The following ROR1 variants were observed in gnomAD, a reference collection of about 807,000 sequenced individuals.
ROR1 encodes the protein inactive tyrosine-protein kinase transmembrane receptor ROR1.
ROR1 carries 19 observed loss-of-function variants against 78.8 expected under a neutral mutation model. That is an observed-to-expected ratio of 0.24 (90% CI 0.17 to 0.35). The LOEUF is 0.35. ROR1 is among the 10% of genes least tolerant of loss of function. The pLI, the probability that ROR1 is intolerant of heterozygous loss-of-function variation, is 1.00. For missense variants in ROR1, 917 were observed against 1,177.8 expected (o/e 0.78, Z 3.24); for synonymous variants, 386 against 433.6 (o/e 0.89, Z 1.36).
chr1:64,176,646 T>A (rs1203367534), intron 8 of ROR1, among the ~76,000 whole-genome samples: 1 of 152,186 alleles, frequency 6.6e-6, no homozygotes, highest in African/African-American at 2.4e-5. Context: ...CAAAAGAGTC[T>A]AGCAAAGAAA....
intron 1 of ROR1, among the ~76,000 whole-genome samples, chr1:63,956,011 G>T (rs562947283): frequency 6.6e-6 from 1 of 152,172 alleles, no homozygotes; most frequent in Non-Finnish European, 1.5e-5. Flanking sequence ...CTGGTGACTC[G>T]CTCTGCTGGC....
chr1:63,950,948 A>G (rs1454444059), intron 1 of ROR1, among the ~76,000 whole-genome samples: 1 of 152,224 alleles, frequency 6.6e-6, no homozygotes, highest in East Asian at 1.9e-4. Flanking sequence ...TGAAAATACA[A>G]CCAAAAACCT....
intron 1 of ROR1, among the ~76,000 whole-genome samples, chr1:63,811,356 A>G (rs1433139673): frequency 6.6e-6 from 1 of 152,170 alleles, no homozygotes; most frequent in Non-Finnish European, 1.5e-5. Context: ...AGTGCCCCTA[A>G]AATTGTCACA....
chr1:63,935,721 A>G (rs538527984), intron 1 of ROR1, among the ~76,000 whole-genome samples: 40 of 152,338 alleles, frequency 2.6e-4, no homozygotes, highest in Admixed American at 5.9e-4. Flanking sequence ...GCAGTAATTT[A>G]TAGCTTGAAA....
chr1:64,131,291 AC>A (rs1345523970), intron 4 of ROR1, among the ~76,000 whole-genome samples: 1 of 152,068 alleles, frequency 6.6e-6, no homozygotes, highest in African/African-American at 2.4e-5. Context: ...TATTTATTTC[AC>A]TGCTCTCTGT....
chr1:64,159,671 GT>G lies in ROR1; in HGVS notation c.1386+486del, dbSNP rs5774685. Among the ~76,000 whole-genome samples, 316 of 150,854 alleles carry G rather than the reference GT, an allele frequency of 2.1e-3. 2 individuals carry two copies. Among genetic ancestry groups the G allele is most frequent in the African/African-American group, 7.2e-3 (293 of 40,744 alleles). ...TGATTAAGATAGTAAATTTTGTTGT[GT>G]TTTTTTACCACGATTTAAAAAAAAT... On this transcript the variant is annotated intron_variant, in intron 8 of 8. Coordinates refer to ENST00000371079, the MANE Select transcript of ROR1 (RefSeq NM_005012.4).
chr1:63,788,854 C>G (rs899633636), intron 1 of ROR1: 5 of 745,742 alleles, frequency 6.7e-6, no homozygotes, highest in Non-Finnish European at 1.2e-5. Flanking sequence ...GAGCTTCATG[C>G]GAGCCTTATC....
At chr1:64,154,968 T>C (rs1483308910) in intron 7 of ROR1, among the ~76,000 whole-genome samples, 1 of 152,238 alleles carries the variant, frequency 6.6e-6, no homozygotes, top group Non-Finnish European at 1.5e-5. Flanking sequence ...TTAGTCTTCA[T>C]TGAAAGAGAA....
intron 1 of ROR1, among the ~76,000 whole-genome samples, chr1:63,921,203 T>C (rs1324945577): frequency 6.6e-6 from 1 of 152,194 alleles, no homozygotes; most frequent in Non-Finnish European, 1.5e-5. Flanking sequence ...TGACGGTTTA[T>C]TGAACACATT....
At chr1:63,853,939 G>A (rs1645132380) in intron 1 of ROR1, among the ~76,000 whole-genome samples, 1 of 152,146 alleles carries the variant, frequency 6.6e-6, no homozygotes, top group Admixed American at 6.5e-5. Flanking sequence ...AAGATCACCA[G>A]CTTCCCAGAA....
intron 1 of ROR1, among the ~76,000 whole-genome samples, chr1:63,785,575 T>G (rs1644679430): frequency 2.6e-5 from 4 of 151,752 alleles, no homozygotes; most frequent in Admixed American, 2.6e-4. Flanking sequence ...CAAGCTGGAG[T>G]GCAGTGGCAC....
At chr1:64,018,380 G>C (rs1646538364) in intron 2 of ROR1, among the ~76,000 whole-genome samples, 1 of 152,088 alleles carries the variant, frequency 6.6e-6, no homozygotes, top group East Asian at 1.9e-4. Context: ...TATTTGCTCT[G>C]ATGAGAACAC....
rs112588869 is a variant in ROR1 at position 63,787,891 on chromosome 1, T to C, written c.91+13383T>C. On this transcript the variant is annotated intron_variant, in intron 1 of 8. Transcript: ENST00000371079. ...TCTGGGAAATGCCCCTTCATCAGTTTCAAAAGGAACTAATCATAGTCTTTC... is the reference window on the plus strand; with the variant it reads ...TCTGGGAAATGCCCCTTCATCAGTTCCAAAAGGAACTAATCATAGTCTTTC... Among the ~76,000 whole-genome samples, 614 of 152,336 alleles carry C rather than the reference T, an allele frequency of 4.0e-3. 6 individuals carry two copies. The highest frequency in any genetic ancestry group is 0.014 in the African/African-American group (576 of 41,574).
intron 1 of ROR1, among the ~76,000 whole-genome samples, chr1:63,845,075 A>T (rs909515986): frequency 1.3e-5 from 2 of 152,106 alleles, no homozygotes; most frequent in African/African-American, 4.8e-5. Flanking sequence ...AGCGTATCTA[A>T]TTCTCTAATG....
At chr1:63,951,715 C>T (rs553295989) in intron 1 of ROR1, among the ~76,000 whole-genome samples, 86 of 152,278 alleles carry the variant, frequency 5.6e-4, no homozygotes, top group African/African-American at 2.0e-3. Flanking sequence ...GACACCCCCC[C>T]CTCACCACCA....
intron 4 of ROR1, among the ~76,000 whole-genome samples, chr1:64,067,921 C>G (rs969564339): frequency 7.2e-5 from 11 of 151,992 alleles, no homozygotes; most frequent in Non-Finnish European, 1.2e-4. Context: ...ACTGTGTTAG[C>G]CAGGATGGTC....
chr1:63,892,800 T>C (rs1317961440), intron 1 of ROR1, among the ~76,000 whole-genome samples: 1 of 152,096 alleles, frequency 6.6e-6, no homozygotes, highest in Non-Finnish European at 1.5e-5. Flanking sequence ...CTTGAGGCCC[T>C]TCTAGCTATG....
At chr1:63,930,218 G>A (rs1234486392) in intron 1 of ROR1, among the ~76,000 whole-genome samples, 3 of 151,942 alleles carry the variant, frequency 2.0e-5, no homozygotes, top group Non-Finnish European at 4.4e-5. Context: ...TTAAAGGCAG[G>A]GATTCCGGCT....
intron 4 of ROR1, among the ~76,000 whole-genome samples, chr1:64,072,389 A>G (rs535535632): frequency 2.0e-5 from 3 of 152,224 alleles, no homozygotes; most frequent in East Asian, 3.9e-4. Context: ...CAGGGACCCA[A>G]ATAAGCTCTA....
Sources: gnomAD v4.1 joint callset for allele counts (sites outside exome capture counted in the v4.1 genomes callset) on GRCh38, gnomAD v4.1.1 for gene constraint, MANE v1.5 for transcripts, NCBI Gene and HGNC (gene_info 2026-07-23, HGNC 2026-07-21) for gene names.